LAMC1: variants seen among roughly 807,000 people sequenced by gnomAD.
LAMC1 encodes laminin subunit gamma 1, also known as laminin subunit gamma-1.
A neutral mutation model predicts 173.6 loss-of-function variants in LAMC1; 38 were observed. The ratio of observed to expected loss-of-function variants is 0.22; its 90% CI spans 0.17 to 0.29. LAMC1 has a LOEUF of 0.29. Among genes scored for constraint, LAMC1 ranks in the 10% least tolerant of loss-of-function variants. The pLI, the probability that LAMC1 is intolerant of heterozygous loss-of-function variation, is 1.00. For missense variants in LAMC1, 1,824 were observed against 2,051.8 expected, an observed-to-expected ratio of 0.89 and a Z score of 2.14; for synonymous variants, 746 against 749.1, an observed-to-expected ratio of 1.00 and a Z score of 0.07.
At chr1:183,105,152 G>C (rs1413729651) in intron 2 of LAMC1, among the ~76,000 whole-genome samples, 1 of 149,166 alleles carries the variant, frequency 6.7e-6, no homozygotes, top group Admixed American at 6.7e-5. Context: ...TTGAACCCGG[G>C]AGGTGGAGGT....
At chr1:183,107,858 A>G (rs10911247) in intron 2 of LAMC1, among the ~76,000 whole-genome samples, 79,471 of 151,924 alleles carry the variant, frequency 0.52, 21,364 homozygotes, top group South Asian at 0.65. Flanking sequence ...GGACAGGGGC[A>G]GGCAATGACC....
chr1:183,085,169 G>A (rs1195391265), intron 1 of LAMC1, among the ~76,000 whole-genome samples: 1 of 150,820 alleles, frequency 6.6e-6, no homozygotes, highest in Non-Finnish European at 1.5e-5. Flanking sequence ...AGTGAGCTGA[G>A]ATCACGCCAG....
intron 2 of LAMC1, among the ~76,000 whole-genome samples, chr1:183,105,670 T>C (rs1655961298): frequency 6.6e-6 from 1 of 152,166 alleles, no homozygotes; most frequent in Non-Finnish European, 1.5e-5. Flanking sequence ...TGCATAGACG[T>C]GGTCAGTCAG....
rs767890117 is a variant in LAMC1, at chr1:183,023,845, G to GGACGAA, written c.130_131insACGAAG (p.Asp42_Glu43dup). On this transcript the variant is annotated inframe_insertion, in exon 1 of 28. Coordinates refer to ENST00000258341, the MANE Select transcript of LAMC1 (RefSeq NM_002293.4). ...CAGCCATGGACGAGTGCACGGACGAGGGCGGGCGGCCGCAGCGCTGCATGC... is the reference window on the plus strand; with the variant it reads ...CAGCCATGGACGAGTGCACGGACGAGGACGAAGGCGGGCGGCCGCAGCGCTGCATGC... 6.3e-5 allele frequency: 102 copies of GGACGAA among 1,606,622 alleles called. No individual in the cohort carries two copies. Among genetic ancestry groups the GGACGAA allele is most frequent in the Middle Eastern group, 1.7e-4 (1 of 6,050 alleles).
rs951219826 is a variant in LAMC1, at chr1:183,128,676, A to G, written c.3206A>G (p.Gln1069Arg). The change falls in exon 18 of 28, where the codon CAA becomes CGA. Residue 1069 changes from glutamine (Q) to arginine (R), a missense_variant. Gln to Arg is a conservative substitution (Grantham distance 43). Transcript: ENST00000258341. ...LGTGDEMVTD[Q>R]AFEDRLKEAE... ...ACTGGGGATGAGATGGTGACAGATCAAGCCTTCGAGGATAGACTAAAGGAA... is the reference window on the plus strand; with the variant it reads ...ACTGGGGATGAGATGGTGACAGATCGAGCCTTCGAGGATAGACTAAAGGAA... 1.9e-6 allele frequency: 3 copies of G among 1,613,836 alleles called. No individual in the cohort carries two copies. Among genetic ancestry groups the G allele is most frequent in the Non-Finnish European group, 2.5e-6 (3 of 1,179,788 alleles).
At chr1:183,136,658 C>T in intron 25 of LAMC1, 73 bp downstream of exon 25, 1 of 1,263,810 alleles carries the variant, frequency 7.9e-7, no homozygotes, top group Non-Finnish European at 1.1e-6. Flanking sequence ...CTTTCCAGAC[C>T]CTCAGAGCCC....
chr1:183,098,661 C>T (rs1655755307), intron 1 of LAMC1, among the ~76,000 whole-genome samples: 1 of 152,160 alleles, frequency 6.6e-6, no homozygotes, highest in Admixed American at 6.6e-5. Context: ...AACATTACTC[C>T]CTGTCTTTGC....
chr1:183,062,455 C>T (rs1382061919), intron 1 of LAMC1, among the ~76,000 whole-genome samples: 3 of 152,132 alleles, frequency 2.0e-5, no homozygotes, highest in Non-Finnish European at 1.5e-5. Context: ...GAGTTCGAGA[C>T]CACCTGGCCA....
chr1:183,042,972 A>C (rs1208091444), intron 1 of LAMC1, among the ~76,000 whole-genome samples: 1 of 152,174 alleles, frequency 6.6e-6, no homozygotes, highest in African/African-American at 2.4e-5. Flanking sequence ...GACCAATCAG[A>C]GCTGTTTTAA....
intron 11 of LAMC1, among the ~76,000 whole-genome samples, chr1:183,118,858 A>G (rs1259229750): frequency 6.6e-6 from 1 of 152,086 alleles, no homozygotes; most frequent in Admixed American, 6.6e-5. Flanking sequence ...TAAATTATTG[A>G]ATGATTTTGT....
chr1:183,051,835 C>T (rs1654435147), intron 1 of LAMC1, among the ~76,000 whole-genome samples: 3 of 152,212 alleles, frequency 2.0e-5, no homozygotes, highest in South Asian at 4.1e-4. Flanking sequence ...CAAGTTATCA[C>T]AGGGATCTTG....
At chr1:183,100,316 C>A (rs1224558530) in intron 1 of LAMC1, among the ~76,000 whole-genome samples, 1 of 152,200 alleles carries the variant, frequency 6.6e-6, no homozygotes, top group African/African-American at 2.4e-5. Flanking sequence ...TCTAAAAAAT[C>A]AAACCTGATC....
chr1:183,135,019 T>C, intron 23 of LAMC1, 23 bp from the exon 24 acceptor site: 1 of 1,577,978 alleles, frequency 6.3e-7, no homozygotes, highest in Non-Finnish European at 8.7e-7. Flanking sequence ...GGGTTCATCC[T>C]CTCATCTGCC....
intron 1 of LAMC1, among the ~76,000 whole-genome samples, chr1:183,064,371 G>A (rs932397471): frequency 2.6e-5 from 4 of 152,168 alleles, no homozygotes; most frequent in African/African-American, 9.7e-5. Context: ...TGTATAGCAT[G>A]TGACTGTATT....
chr1:183,084,784 A>T (rs1283199952), intron 1 of LAMC1, among the ~76,000 whole-genome samples: 8 of 152,180 alleles, frequency 5.3e-5, no homozygotes, highest in African/African-American at 1.9e-4. Context: ...ATTAAGAGAG[A>T]CAATGCTAGG....
chr1:183,089,812 G>A (rs1334667163), intron 1 of LAMC1, among the ~76,000 whole-genome samples: 1 of 152,064 alleles, frequency 6.6e-6, no homozygotes, highest in Non-Finnish European at 1.5e-5. Flanking sequence ...AAGTTTATGG[G>A]GGCCCATTGT....
intron 1 of LAMC1, among the ~76,000 whole-genome samples, chr1:183,034,364 G>A (rs1361197636): frequency 1.3e-5 from 2 of 152,022 alleles, no homozygotes; most frequent in Non-Finnish European, 2.9e-5. Flanking sequence ...TCCGCCTCCC[G>A]GGTTCAAGTG....
At position 183,081,235 on chromosome 1, in the gene LAMC1, T is replaced by A. The variant is rs534489115; in HGVS notation, c.419-22093T>A. Among the ~76,000 whole-genome samples the A allele has an allele frequency of 1.0e-3, 158 of 152,268 alleles. 2 individuals are homozygous for A. In the South Asian group the frequency reaches 0.032, roughly 31 times the overall value. ...TGAATGTAAACTGCCTTTGAAAGCC[T>A]ATAACACAGTTCAGTTGGCTTCTAA... On this transcript the variant is annotated intron_variant, in intron 1 of 27. Coordinates refer to ENST00000258341, the MANE Select transcript of LAMC1 (RefSeq NM_002293.4).
rs189527879 is a variant in LAMC1, at chr1:183,026,779, A to C, written c.418+2645A>C. On this transcript the variant is annotated intron_variant, in intron 1 of 27. Transcript: ENST00000258341. ...AACTTTAAATACAGTAAACTTTAAA[A>C]TAAGCAGTCAAATCATACATAAGAA... Among the ~76,000 whole-genome samples, 554 of 141,518 alleles carry C rather than the reference A, an allele frequency of 3.9e-3. 1 individual carries two copies. The highest frequency in any genetic ancestry group is 0.013 in the African/African-American group (541 of 40,940). The allele number at this position is 141,518 out of a possible 152,430, so 92.8% of individuals were successfully genotyped here. A position where few individuals can be genotyped will look rare whatever the true frequency, so the allele number is the denominator to read the frequency against.
Sources: allele counts gnomAD v4.1 joint callset (sites outside exome capture counted in the v4.1 genomes callset), GRCh38; gene constraint gnomAD v4.1.1; transcripts MANE v1.5; gene names NCBI Gene and HGNC (gene_info 2026-07-23, HGNC 2026-07-21).